Variants in SLC22A12 observed in about 807,000 individuals in gnomAD.
SLC22A12 encodes the protein solute carrier family 22 member 12.
A neutral mutation model predicts 52.7 loss-of-function variants in SLC22A12; 56 were observed. The ratio of observed to expected loss-of-function variants is 1.06; its 90% CI spans 0.86 to 1.33. The LOEUF (loss-of-function observed/expected upper bound fraction) is 1.33, where lower values mean the gene tolerates loss of function less well. Among genes scored for constraint, SLC22A12 ranks in the 40% most tolerant of loss-of-function variants. The pLI is 0.00. For missense variants in SLC22A12, 683 were observed against 741.5 expected (o/e 0.92, Z 0.92); for synonymous variants, 337 against 324.6 (o/e 1.04, Z -0.41).
chr11:64,591,574 C>T lies in SLC22A12; in HGVS notation c.18C>T (p.Leu6=). The change falls in exon 1 of 10, where the codon CTC becomes CTT. Residue 6 remains leucine (L), a synonymous_variant. Transcript: ENST00000377574. MAFSE[L]LDLVGGLGRF... Reference sequence around the variant, plus strand: ...TAGGTTCCATGGCATTTTCTGAACTCCTGGACCTCGTGGGTGGCCTGGGCA... The same window carrying T: ...TAGGTTCCATGGCATTTTCTGAACTTCTGGACCTCGTGGGTGGCCTGGGCA... The T allele has an allele frequency of 1.2e-6, 2 of 1,612,618 alleles. No homozygotes were observed. The highest frequency in any genetic ancestry group is 1.7e-6 in the Non-Finnish European group (2 of 1,180,016).
intron 3 of SLC22A12, 26 bp downstream of exon 3, chr11:64,593,585 AG>A (rs772169714): frequency 3.1e-6 from 5 of 1,614,076 alleles, no homozygotes; most frequent in Non-Finnish European, 4.2e-6. Flanking sequence ...GGCGCCATGC[AG>A]GGGGGCTCCA....
intron 8 of SLC22A12, 64 bp downstream of exon 8, chr11:64,600,539 C>G (rs1388488374): frequency 6.3e-6 from 9 of 1,436,180 alleles, no homozygotes; most frequent in Non-Finnish European, 8.5e-6. Flanking sequence ...CACCCCCAGG[C>G]AGGACTGGCT....
At position 64,593,811 on chromosome 11, in the gene SLC22A12, C is replaced by T. The variant is rs1373936591; in HGVS notation, c.830+8C>T. On this transcript the variant is annotated splice_region_variant and intron_variant, in intron 4 of 9. Transcript: ENST00000377574. ...CTGCTTTTTGTACTCCTGGTGGGTG[C>T]TGTGCCCCACTCCCCTCCTCAGAGG... The T allele has an allele frequency of 1.2e-6, 2 of 1,602,178 alleles. No individual in the cohort carries two copies. Among genetic ancestry groups the T allele is most frequent in the Non-Finnish European group, 1.7e-6 (2 of 1,179,724 alleles).
chr11:64,599,926 A>C, intron 7 of SLC22A12, 36 bp downstream of exon 7: 1 of 1,592,310 alleles, frequency 6.3e-7, no homozygotes, highest in Non-Finnish European at 8.6e-7. Context: ...AGACTTCCCT[A>C]CCTTGGGGGG....
intron 1 of SLC22A12, 42 bp from the exon 2 acceptor site, chr11:64,592,737 C>T (rs756607240): frequency 6.5e-7 from 1 of 1,540,648 alleles, no homozygotes; most frequent in South Asian, 1.1e-5. Context: ...TCTGCTGGGG[C>T]TCTCCCAACC....
chr11:64,596,030 G>T (rs1165218098), intron 4 of SLC22A12, among the ~76,000 whole-genome samples: 3 of 147,812 alleles, frequency 2.0e-5, no homozygotes, highest in East Asian at 2.1e-4. Context: ...TGGAATGGAT[G>T]GATGGTTGGA....
chr11:64,593,829 C>T lies in SLC22A12; in HGVS notation c.830+26C>T, dbSNP rs758533747. ...GTGGGTGCTGTGCCCCACTCCCCTC[C>T]TCAGAGGAGATCCTGCCCACTCTCC... On this transcript the variant is annotated intron_variant, in intron 4 of 9. Coordinates refer to ENST00000377574, the MANE Select transcript of SLC22A12 (RefSeq NM_144585.4). 1.0e-5 allele frequency: 16 copies of T among 1,599,168 alleles called. No homozygotes were observed. The Admixed American group carries it at 2.7e-4, about 27-fold the overall frequency.
chr11:64,595,203 G>A (rs1401378767), intron 4 of SLC22A12, among the ~76,000 whole-genome samples: 1 of 125,028 alleles, frequency 8.0e-6, no homozygotes, highest in Non-Finnish European at 1.7e-5. Flanking sequence ...ATGGATGGAT[G>A]TTTGGAATAG....
chr11:64,601,205 CCT>C (rs764490183), intron 9 of SLC22A12, among the ~76,000 whole-genome samples: 15 of 152,160 alleles, frequency 9.9e-5, no homozygotes, highest in Non-Finnish European at 1.9e-4. Context: ...CCAGGTCCAC[CCT>C]GAGAGAGGCC....
chr11:64,600,912 C>T lies in SLC22A12; in HGVS notation c.1572C>T (p.Pro524=), dbSNP rs138485972. Residue 524 remains proline, a synonymous_variant, in exon 9 of 10, where the codon CCC becomes CCT. Transcript: ENST00000377574. ...LLPETQSLPL[P]DTIQDVQNQA... is the part of the protein sequence containing the mutation. ...CCGAGACCCAGAGCTTGCCGCTGCC[C>T]GACACCATCCAAGATGTGCAGAACC... 1.5e-3 allele frequency: 2,340 copies of T among 1,609,332 alleles called. 3 individuals are homozygous for T. The highest frequency in any genetic ancestry group is 1.9e-3 in the Non-Finnish European group (2,230 of 1,179,980).
At position 64,592,221 on chromosome 11, in the gene SLC22A12, C is replaced by T. The variant is rs187404454; in HGVS notation, c.402+263C>T. ...TAAATGCTGGCACCTGGACACTCAC[C>T]GGCCTCACCCTGTCCTGGCCCTGCT... On this transcript the variant is annotated intron_variant, in intron 1 of 9. Coordinates refer to ENST00000377574, the MANE Select transcript of SLC22A12 (RefSeq NM_144585.4). Among the ~76,000 whole-genome samples the T allele has an allele frequency of 6.6e-5, 10 of 152,312 alleles. No homozygotes were observed. In the East Asian group the frequency reaches 1.5e-3, roughly 24 times the overall value.
rs372424252 is a variant in SLC22A12 at position 64,591,247 on chromosome 11, A to C, written c.-310A>C. 72 of 439,584 alleles carry C rather than the reference A, an allele frequency of 1.6e-4. 1 individual carries two copies. The East Asian group carries it at 1.8e-3, about 11-fold the overall frequency. 27.2% of individuals were successfully genotyped at this position (439,584 alleles called of 1,614,324 possible). A position where few individuals can be genotyped will look rare whatever the true frequency, so the allele number is the denominator to read the frequency against. ...TCTAAAATTAAAGTCTTCAGTCTCC[A>C]CATTCCCTACTTTCCAAATTCAGCT... On this transcript the variant is annotated 5_prime_UTR_variant, in exon 1 of 10. Coordinates refer to ENST00000377574, the MANE Select transcript of SLC22A12 (RefSeq NM_144585.4).
At chr11:64,598,703 C>T (rs887812077) in intron 5 of SLC22A12, 64 bp downstream of exon 5, 5 of 1,598,956 alleles carry the variant, frequency 3.1e-6, no homozygotes, top group East Asian at 2.3e-5. Context: ...CATAGGGCAC[C>T]CTGGGAGACC....
In SLC22A12 at chr11:64,599,899, G is replaced by C. The variant is rs766398770; in HGVS notation, c.1285+9G>C. ...CACGCTGGTGCCCCACGGTGAGGGG[G>C]CAAAGCTGTACACCAGAGACTTCCC... On this transcript the variant is annotated intron_variant, in intron 7 of 9. Transcript: ENST00000377574. 2 of 1,611,190 alleles carry C rather than the reference G, an allele frequency of 1.2e-6. No individual in the cohort carries two copies. Among genetic ancestry groups the C allele is most frequent in the Admixed American group, 1.7e-5 (1 of 59,810 alleles).
In SLC22A12 at chr11:64,593,951, T is replaced by G. The variant is rs548512690; in HGVS notation, c.830+148T>G. 367 of 1,244,730 alleles carry G rather than the reference T, an allele frequency of 2.9e-4. 1 individual carries two copies. The highest frequency in any genetic ancestry group is 1.1e-3 in the Admixed American group (52 of 49,494). 77.1% of individuals were successfully genotyped at this position (1,244,730 alleles called of 1,614,324 possible). On this transcript the variant is annotated intron_variant, in intron 4 of 9. Transcript: ENST00000377574. ...GAGGAAAGCCAGGAGCGTGGCAGAG[T>G]GTACCACCCACAAACCCAAGACACC...
In SLC22A12 at chr11:64,601,591, ACTT is replaced by A. The variant is rs755213790; in HGVS notation, c.*46_*48del. ...TGCGATGGGACGGTCAGAGGAAGAG[ACTT>A]CTTCTGTTCTCTGGAGAAGGCAGGA... On this transcript the variant is annotated 3_prime_UTR_variant, in exon 10 of 10. Transcript: ENST00000377574. 2,649 of 1,596,696 alleles carry A rather than the reference ACTT, an allele frequency of 1.7e-3. 3 individuals carry two copies. The highest frequency in any genetic ancestry group is 2.1e-3 in the Non-Finnish European group (2,409 of 1,164,940).
chr11:64,594,960 GGTTGGAATA>G (rs1428670099), intron 4 of SLC22A12, among the ~76,000 whole-genome samples: 19 of 69,624 alleles, frequency 2.7e-4, no homozygotes, highest in South Asian at 1.4e-3. Context: ...ATGGATGGAT[GGTTGGAATA>G]GATGGATGGA....
Position 64,591,464 on chromosome 11 carries a change from C to T in SLC22A12, c.-93C>T, listed in dbSNP as rs886048451. The T allele has an allele frequency of 5.1e-6, 8 of 1,557,888 alleles. No homozygotes were observed. The highest frequency in any genetic ancestry group is 2.2e-5 in the East Asian group (1 of 44,580). On this transcript the variant is annotated 5_prime_UTR_variant, in exon 1 of 10. Transcript: ENST00000377574. ...GCTGGAGAAGCCACTGTGGGCACCA[C>T]CGTGGGGGAAACAGGCCCGTTGCCC... is the stretch of plus-strand genomic sequence containing the variant.
At chr11:64,594,968 T>G (rs2039062084) in intron 4 of SLC22A12, among the ~76,000 whole-genome samples, 1 of 35,728 alleles carries the variant, frequency 2.8e-5, no homozygotes, top group Admixed American at 3.7e-4. Context: ...ATGGTTGGAA[T>G]AGATGGATGG....
Sources: gnomAD v4.1 joint callset for allele counts (sites outside exome capture counted in the v4.1 genomes callset) on GRCh38, gnomAD v4.1.1 for gene constraint, MANE v1.5 for transcripts, NCBI Gene and HGNC (gene_info 2026-07-23, HGNC 2026-07-21) for gene names.